The following GCSAML variants were observed in gnomAD, a reference collection of about 807,000 sequenced individuals.
The protein encoded by GCSAML is germinal center-associated signaling and motility-like protein.
GCSAML carries 9 observed loss-of-function variants against 13.0 expected under a neutral mutation model. The observed-to-expected ratio is 0.69, with a 90% CI of 0.42 to 1.21. The LOEUF (loss-of-function observed/expected upper bound fraction) is 1.21. GCSAML is among the 50% of genes most tolerant of loss of function. GCSAML has a pLI of 0.00. For synonymous variants in GCSAML, 37 were observed against 52.9 expected (o/e 0.70, Z 1.31); for missense variants, 143 against 153.4 (o/e 0.93, Z 0.36).
chr1:247,531,359 C>T (rs1371070644), intron 2 of GCSAML: 1 of 619,328 alleles, frequency 1.6e-6, no homozygotes, highest in African/African-American at 1.8e-5. Flanking sequence ...TTGAACAAAA[C>T]TATGATAATT....
intron 2 of GCSAML, 48 bp from the exon 3 acceptor site, chr1:247,563,542 G>C: frequency 8.6e-7 from 1 of 1,166,714 alleles, no homozygotes; most frequent in Non-Finnish European, 1.3e-6. Flanking sequence ...GGCATTTTCA[G>C]CTTTGGAGAA....
At chr1:247,558,041 C>G (rs56040547) in intron 2 of GCSAML, among the ~76,000 whole-genome samples, 15 of 152,184 alleles carry the variant, frequency 9.9e-5, no homozygotes, top group Non-Finnish European at 1.9e-4. Flanking sequence ...TACCAGCAAG[C>G]CTTTATTACA....
intron 2 of GCSAML, among the ~76,000 whole-genome samples, chr1:247,535,222 A>T (rs1411496733): frequency 2.0e-5 from 3 of 152,184 alleles, no homozygotes; most frequent in African/African-American, 7.2e-5. Flanking sequence ...AGCTGAGGCT[A>T]GAGGATGGCT....
chr1:247,508,027 T>C (rs559621092), intron 1 of GCSAML, among the ~76,000 whole-genome samples: 2 of 152,180 alleles, frequency 1.3e-5, no homozygotes, highest in East Asian at 1.9e-4. Flanking sequence ...TGGGTATATA[T>C]CCAGTAATGG....
rs567979606 is a variant in GCSAML, at chr1:247,553,697, CTCAAGTGATCT to C, written c.30-2707_30-2697del. ...TGCACTACAGCTTTGAACTCCTGGCCTCAAGTGATCTTCCTGCCTCAGCCTCCCAAGGAGCT... is the reference window on the plus strand; with the variant it reads ...TGCACTACAGCTTTGAACTCCTGGCCTCCTGCCTCAGCCTCCCAAGGAGCT... On this transcript the variant is annotated intron_variant, in intron 1 of 4. Coordinates refer to ENST00000366488, the MANE Select transcript of GCSAML (RefSeq NM_145278.5). Among the ~76,000 whole-genome samples the C allele has an allele frequency of 2.5e-4, 38 of 152,280 alleles. 1 individual carries two copies. Among genetic ancestry groups the C allele is most frequent in the Admixed American group, 2.4e-3 (36 of 15,290 alleles).
chr1:247,543,708 TAAATC>T (rs1389451802), intron 2 of GCSAML, among the ~76,000 whole-genome samples: 1 of 151,430 alleles, frequency 6.6e-6, no homozygotes, highest in African/African-American at 2.4e-5. Flanking sequence ...CTACTTAAAA[TAAATC>T]AAAACTACTT....
intron 1 of GCSAML, among the ~76,000 whole-genome samples, chr1:247,515,911 T>C (rs1438456225): frequency 6.6e-6 from 1 of 152,172 alleles, no homozygotes; most frequent in Non-Finnish European, 1.5e-5. Flanking sequence ...AGGAAGCACA[T>C]TTATTATACT....
intron 1 of GCSAML, among the ~76,000 whole-genome samples, chr1:247,555,760 C>G (rs1047241710): frequency 1.3e-5 from 2 of 152,134 alleles, no homozygotes; most frequent in Admixed American, 1.3e-4. Context: ...TTTGATTAAC[C>G]AAGTCACAAA....
chr1:247,563,694 C>A, intron 3 of GCSAML, 55 bp downstream of exon 3: 1 of 983,770 alleles, frequency 1.0e-6, no homozygotes, highest in Non-Finnish European at 1.6e-6. Flanking sequence ...ATTTAAGCAT[C>A]CAATTAGCAG....
chr1:247,570,963 T>C (rs1668586427), intron 4 of GCSAML, among the ~76,000 whole-genome samples: 1 of 152,200 alleles, frequency 6.6e-6, no homozygotes, highest in Non-Finnish European at 1.5e-5. Flanking sequence ...CGTTATGTAA[T>C]GGCCTTCTTT....
chr1:247,520,949 T>G (rs898879267), intron 1 of GCSAML, among the ~76,000 whole-genome samples: 6 of 152,352 alleles, frequency 3.9e-5, no homozygotes, highest in Admixed American at 2.0e-4. Flanking sequence ...CTGCTCTGTC[T>G]TATAGTTTTA....
chr1:247,513,357 C>T (rs1284326401), intron 1 of GCSAML, among the ~76,000 whole-genome samples: 1 of 152,194 alleles, frequency 6.6e-6, no homozygotes, highest in Non-Finnish European at 1.5e-5. Flanking sequence ...GACACCCCTC[C>T]CCACCAAGCC....
intron 4 of GCSAML, 37 bp from the exon 5 acceptor site, chr1:247,574,106 G>T (rs777589582): frequency 1.2e-6 from 2 of 1,610,176 alleles, no homozygotes; most frequent in African/African-American, 2.7e-5. Context: ...ATGAATGACC[G>T]TGGATCCTTG....
At chr1:247,516,464 G>A (rs139960187) in intron 1 of GCSAML, among the ~76,000 whole-genome samples, 127 of 151,880 alleles carry the variant, frequency 8.4e-4, no homozygotes, top group African/African-American at 3.0e-3. Flanking sequence ...GTATTCTCAT[G>A]ATGAGATCTG....
At chr1:247,535,472 G>C (rs1667183082) in intron 2 of GCSAML, among the ~76,000 whole-genome samples, 1 of 151,952 alleles carries the variant, frequency 6.6e-6, no homozygotes, top group Admixed American at 6.5e-5. Context: ...ACTGTATATA[G>C]AGTCACCGCA....
At chr1:247,557,361 A>G (rs1667991298) in intron 2 of GCSAML, among the ~76,000 whole-genome samples, 1 of 152,098 alleles carries the variant, frequency 6.6e-6, no homozygotes, top group Non-Finnish European at 1.5e-5. Flanking sequence ...TGGAAAAAAG[A>G]AAAAAAATGG....
At chr1:247,572,473 C>T (rs1218638741) in intron 4 of GCSAML, among the ~76,000 whole-genome samples, 1 of 152,184 alleles carries the variant, frequency 6.6e-6, no homozygotes, top group East Asian at 1.9e-4. Context: ...TTCTGCAGGT[C>T]TGCTGGAGTT....
chr1:247,524,696 G>A (rs1327931923), intron 1 of GCSAML: 1 of 152,034 alleles, frequency 6.6e-6, no homozygotes, highest in Admixed American at 6.6e-5. Context: ...ATGATTGATA[G>A]TTTATTTAAT....
chr1:247,546,354 T>G (rs1667568741), upstream of GCSAML, among the ~76,000 whole-genome samples: 1 of 151,946 alleles, frequency 6.6e-6, no homozygotes, highest in Non-Finnish European at 1.5e-5. Flanking sequence ...ATGGTCTTTA[T>G]TTTTTATTTA....
Sources: gnomAD v4.1 joint callset for allele counts (sites outside exome capture counted in the v4.1 genomes callset) on GRCh38, gnomAD v4.1.1 for gene constraint, MANE v1.5 for transcripts, NCBI Gene and HGNC (gene_info 2026-07-23, HGNC 2026-07-21) for gene names.